SPG11: variants seen among roughly 807,000 people sequenced by gnomAD.
The protein encoded by SPG11 is spatacsin.
Under a neutral mutation model 274.0 loss-of-function variants are expected in SPG11, and 222 were observed. That is an observed-to-expected ratio of 0.81 (90% CI 0.73 to 0.91). The LOEUF is 0.91. SPG11 is among the 40% of genes least tolerant of loss of function. The probability of loss-of-function intolerance (pLI) is 0.00; values close to 1 mark genes in which losing one functional copy is unlikely to be tolerated. For synonymous variants in SPG11, 1,144 were observed against 1,039.7 expected, an observed-to-expected ratio of 1.10 and a Z score of -1.93; for missense variants, 3,114 against 2,872.7, an observed-to-expected ratio of 1.08 and a Z score of -1.92.
chr15:44,641,922 GA>G (rs71111874), intron 7 of SPG11, among the ~76,000 whole-genome samples: 3,145 of 55,942 alleles, frequency 0.056, 30 homozygotes, highest in East Asian at 0.1. Flanking sequence ...CTGCTTAACA[GA>G]AAAAAAAAAA....
rs1567127243 is a variant in SPG11 at position 44,567,518 on chromosome 15, CAT to C, written c.6658_6659del (p.Met2220AspfsTer27). The C allele has an allele frequency of 3.1e-6, 5 of 1,613,938 alleles. No individual in the cohort carries two copies. In the South Asian group the frequency reaches 5.5e-5, roughly 18 times the overall value. Reference sequence around the variant, plus strand: ...GGCACATGCTGAAGCACAGGGCAATCATATTGTGCTTTTCACTGTCTCCAGGA... The same window carrying C: ...GGCACATGCTGAAGCACAGGGCAATCATTGTGCTTTTCACTGTCTCCAGGA... ...CRPGDSEKHNMIALCFSMCRE... is the reference protein window; with the variant it reads ...CRPGDSEKHNXIALCFSMCRE... On this transcript the variant is annotated frameshift_variant, in exon 36 of 40. Coordinates refer to ENST00000261866, the MANE Select transcript of SPG11 (RefSeq NM_025137.4). LOFTEE classifies it high-confidence loss of function.
In SPG11 at chr15:44,628,794, TAATGTAGCTAGTCA is replaced by T; in HGVS notation, c.1928_1941del (p.Leu643Ter). ...TTTATCATGAAGGTTCGAAGTTCATTAATGTAGCTAGTCAAAATGTTCACTCCTTTTTGCAGATG... is the reference window on the plus strand; with the variant it reads ...TTTATCATGAAGGTTCGAAGTTCATTAAATGTTCACTCCTTTTTGCAGATG... On this transcript the variant is annotated frameshift_variant, in exon 10 of 40. Coordinates refer to ENST00000261866, the MANE Select transcript of SPG11 (RefSeq NM_025137.4). LOFTEE classifies it high-confidence loss of function. 6.2e-7 allele frequency: 1 copy of T among 1,613,728 alleles called. No individual in the cohort carries two copies. The highest frequency in any genetic ancestry group is 8.5e-7 in the Non-Finnish European group (1 of 1,179,956).
intron 3 of SPG11, among the ~76,000 whole-genome samples, chr15:44,658,461 C>CTTT (rs566387319): frequency 1.4e-5 from 2 of 139,860 alleles, no homozygotes; most frequent in African/African-American, 2.6e-5. Flanking sequence ...ACAACATAAG[C>CTTT]TTTTTTTTTT....
rs771527743 is a variant in SPG11 at position 44,600,555 on chromosome 15, C to A, written c.3598G>T (p.Ala1200Ser). Residue 1200 changes from alanine to serine, a missense_variant, in exon 21 of 40, where the codon GCT becomes TCT. Coordinates refer to ENST00000261866, the MANE Select transcript of SPG11 (RefSeq NM_025137.4). ...KYAIVERLNF[A>S]YYLHNGRPSF... ...GGCCGCCCATTATGTAAATAATAAG[C>A]AAAATTCAGACGTTCCACTATAGCA... 1 of 1,614,112 alleles carries A rather than the reference C, an allele frequency of 6.2e-7. No homozygotes were observed. The highest frequency in any genetic ancestry group is 1.1e-5 in the South Asian group (1 of 91,076).
chr15:44,586,014 TCTCA>T (rs903202233), intron 28 of SPG11, among the ~76,000 whole-genome samples, 164 bp from the exon 29 acceptor site: 12 of 122,316 alleles, frequency 9.8e-5, no homozygotes, highest in African/African-American at 3.7e-4. Flanking sequence ...TGAGATGGAG[TCTCA>T]CTGTCACCTA....
chr15:44,652,955 A>G (rs1336547403), intron 4 of SPG11, among the ~76,000 whole-genome samples: 2 of 152,150 alleles, frequency 1.3e-5, no homozygotes, highest in Non-Finnish European at 2.9e-5. Context: ...TGCCACCACA[A>G]AGTAAGATTT....
rs183090307 is a variant in SPG11 at position 44,593,098 on chromosome 15, C to A, written c.4636-660G>T. Among the ~76,000 whole-genome samples the A allele has an allele frequency of 4.4e-3, 677 of 152,258 alleles. 4 individuals are homozygous for A. The highest frequency in any genetic ancestry group is 0.016 in the African/African-American group (644 of 41,546). On this transcript the variant is annotated intron_variant, in intron 26 of 39. Transcript: ENST00000261866. ...AAAAATGATACTCAGTCCAGTTATA[C>A]CTACTCAACAATCAATTTTCTGTCT... is the stretch of plus-strand genomic sequence containing the variant.
chr15:44,564,765 T>C, intron 38 of SPG11, 67 bp from the exon 39 acceptor site: 1 of 1,548,732 alleles, frequency 6.5e-7, no homozygotes, highest in Non-Finnish European at 8.9e-7. Flanking sequence ...AACAAACTGT[T>C]GTAGAAAACA....
chr15:44,644,465 T>A (rs140816635), intron 7 of SPG11, among the ~76,000 whole-genome samples: 2,215 of 152,154 alleles, frequency 0.015, 58 homozygotes, highest in East Asian at 0.097. Flanking sequence ...ATAGCCAACA[T>A]CATACTGAAT....
intron 15 of SPG11, among the ~76,000 whole-genome samples, chr15:44,619,290 T>G (rs946819747): frequency 6.6e-6 from 1 of 152,212 alleles, no homozygotes; most frequent in African/African-American, 2.4e-5. Flanking sequence ...AAACTTAACA[T>G]ACATGTTATT....
Position 44,657,108 on chromosome 15 carries a change from T to C in SPG11, c.856A>G (p.Asn286Asp). The C allele has an allele frequency of 6.2e-7, 1 of 1,613,972 alleles. No individual in the cohort carries two copies. Among genetic ancestry groups the C allele is most frequent in the Non-Finnish European group, 8.5e-7 (1 of 1,179,934 alleles). ...SSNSAVALNLNLYFRQHPGHL... is the reference protein window; with the variant it reads ...SSNSAVALNLDLYFRQHPGHL... ...TCATCTACATACCTGAAATACAAAT[T>C]TAAGTTAAGAGCAACTGCGGAGTTG... Residue 286 changes from asparagine (N) to aspartate (D), a missense_variant, in exon 4 of 40, where the codon AAT (asparagine) becomes GAT (aspartate). Physicochemically the swap from Asn to Asp is conservative, Grantham distance 23. Transcript: ENST00000261866.
At chr15:44,606,116 G>A in intron 19 of SPG11, 25 bp from the exon 20 acceptor site, 2 of 1,605,876 alleles carry the variant, frequency 1.2e-6, no homozygotes, top group Non-Finnish European at 1.7e-6. Context: ...AAGTTAAACA[G>A]AATTAGAAGT....
rs770020504 is a variant in SPG11, at chr15:44,573,585, T to C, written c.6167A>G (p.Glu2056Gly). The change falls in exon 32 of 40, where the codon GAG becomes GGG. Residue 2056 changes from glutamate to glycine, a missense_variant. Transcript: ENST00000261866. The part of the protein sequence containing the change: ...PDTVAELVAE[E>G]VTRELLTSSQ... The stretch of plus-strand genomic sequence containing the variant: ...TGAAGTAAGCAGCTCCCGTGTCACC[T>C]CTTCTGCCACGAGTTCAGCCACAGT... 8 of 1,614,058 alleles carry C rather than the reference T, an allele frequency of 5.0e-6. No individual in the cohort carries two copies. The East Asian group carries it at 1.6e-4, about 31-fold the overall frequency.
At chr15:44,593,784 T>C (rs2082961985) in intron 26 of SPG11, among the ~76,000 whole-genome samples, 1 of 150,600 alleles carries the variant, frequency 6.6e-6, no homozygotes, top group South Asian at 2.1e-4. Flanking sequence ...GACACGGTCT[T>C]GCTCTGTCAC....
chr15:44,648,223 T>C (rs983344804), intron 7 of SPG11, among the ~76,000 whole-genome samples: 2 of 152,082 alleles, frequency 1.3e-5, no homozygotes, highest in African/African-American at 2.4e-5. Flanking sequence ...ATCAGAATAG[T>C]AGGAAGCAGG....
At chr15:44,606,617 T>C (rs370999387) in intron 19 of SPG11, among the ~76,000 whole-genome samples, 4 of 152,136 alleles carry the variant, frequency 2.6e-5, no homozygotes, top group African/African-American at 9.7e-5. Context: ...CAGCAGCAAG[T>C]AGTGGTTGTT....
At position 44,663,609 on chromosome 15, in the gene SPG11, G is replaced by A. The variant is rs759646328; in HGVS notation, c.39C>T (p.Ala13=). The change falls in exon 1 of 40, where the codon GCC becomes GCT. Residue 13 remains alanine, a synonymous_variant. Transcript: ENST00000261866. ...AEEGVASAAS[A]GGSWGTAAMG... ...TGGCCGCGGTGCCCCAGCTACCGCC[G>A]GCGGAAGCAGCACTCGCGACCCCTT... is the stretch of plus-strand genomic sequence containing the variant. The A allele has an allele frequency of 8.1e-6, 13 of 1,596,328 alleles. No homozygotes were observed. Among genetic ancestry groups the A allele is most frequent in the Admixed American group, 6.8e-5 (4 of 58,768 alleles).
At chr15:44,607,452 T>C (rs2083350540) in intron 19 of SPG11, among the ~76,000 whole-genome samples, 1 of 152,186 alleles carries the variant, frequency 6.6e-6, no homozygotes, top group Non-Finnish European at 1.5e-5. Flanking sequence ...TGGCTAATTG[T>C]TATATTTTTA....
At chr15:44,657,408 A>T (rs981075908) in intron 3 of SPG11, 112 bp from the exon 4 acceptor site, 2 of 965,672 alleles carry the variant, frequency 2.1e-6, no homozygotes, top group Non-Finnish European at 3.1e-6. Flanking sequence ...TAGGTATAAC[A>T]GAAGAAGACT....
Sources: gnomAD v4.1 joint callset for allele counts (sites outside exome capture counted in the v4.1 genomes callset) on GRCh38, gnomAD v4.1.1 for gene constraint, MANE v1.5 for transcripts, NCBI Gene and HGNC (gene_info 2026-07-23, HGNC 2026-07-21) for gene names.